Variants in IL23R observed in about 807,000 individuals in gnomAD.
IL23R encodes interleukin-23 receptor.
A neutral mutation model predicts 56.9 loss-of-function variants in IL23R; 34 were observed. The observed-to-expected ratio is 0.60, with a 90% CI of 0.45 to 0.80. IL23R has a LOEUF of 0.80. Among genes scored for constraint, IL23R ranks in the 30% least tolerant of loss-of-function variants. The pLI is 0.00. For synonymous variants in IL23R, 230 were observed against 249.2 expected (o/e 0.92, Z 0.73); for missense variants, 635 against 730.0 (o/e 0.87, Z 1.50).
At chr1:67,261,602 T>C (rs1053084008), downstream of IL23R, among the ~76,000 whole-genome samples, 12 of 152,208 alleles carry the variant, frequency 7.9e-5, no homozygotes, top group African/African-American at 2.4e-4. Context: ...AATTGCCGTA[T>C]GCCTTTGCTT....
At chr1:67,203,589 T>C (rs1410202889) in intron 5 of IL23R, among the ~76,000 whole-genome samples, 1 of 152,104 alleles carries the variant, frequency 6.6e-6, no homozygotes, top group Admixed American at 6.6e-5. Flanking sequence ...GAAACTCAGG[T>C]TGAAAAATAT....
intron 4 of IL23R, among the ~76,000 whole-genome samples, chr1:67,192,241 T>C (rs1185735983): frequency 6.6e-6 from 1 of 152,214 alleles, no homozygotes; most frequent in Non-Finnish European, 1.5e-5. Flanking sequence ...ACATCTTATC[T>C]GGATTACTGC....
intron 10 of IL23R, among the ~76,000 whole-genome samples, chr1:67,257,297 A>G (rs1653002841): frequency 6.6e-6 from 1 of 152,158 alleles, no homozygotes; most frequent in Non-Finnish European, 1.5e-5. Flanking sequence ...GAAGTCCATG[A>G]TCAAGGAGCC....
At chr1:67,175,739 T>A (rs1468101776) in intron 3 of IL23R, among the ~76,000 whole-genome samples, 1 of 152,124 alleles carries the variant, frequency 6.6e-6, no homozygotes, top group Non-Finnish European at 1.5e-5. Context: ...TAGTGGAAAA[T>A]GTGCAAGAGA....
chr1:67,185,482 C>T (rs964828848), intron 4 of IL23R, among the ~76,000 whole-genome samples: 1 of 152,100 alleles, frequency 6.6e-6, no homozygotes, highest in Non-Finnish European at 1.5e-5. Context: ...GTCTCTGTCG[C>T]CCAGGCTGGA....
chr1:67,209,694 C>T (rs1396690876), intron 6 of IL23R, among the ~76,000 whole-genome samples: 3 of 152,172 alleles, frequency 2.0e-5, no homozygotes, highest in African/African-American at 7.2e-5. Context: ...CAGACTAATG[C>T]AGTACCCAGT....
intron 3 of IL23R, among the ~76,000 whole-genome samples, chr1:67,182,577 C>T (rs1647163699): frequency 1.3e-5 from 2 of 152,196 alleles, no homozygotes; most frequent in South Asian, 4.1e-4. Context: ...TGACCCCTTG[C>T]ACTTCCCGGG....
chr1:67,229,845 C>G lies in IL23R; in HGVS notation c.956-6868C>G, dbSNP rs376577806. 7.0e-4 allele frequency among the ~76,000 whole-genome samples: 107 copies of G among 152,340 alleles called. 4 individuals carry two copies. The South Asian group carries it at 0.022, about 31-fold the overall frequency. ...TGCCATTATTTGTCCTACTACATCT[C>G]CCTACCTCCCCAACCACTACCACCA... On this transcript the variant is annotated intron_variant, in intron 7 of 10. Transcript: ENST00000347310.
chr1:67,207,207 T>C, intron 6 of IL23R, 152 bp downstream of exon 6: 1 of 891,880 alleles, frequency 1.1e-6, no homozygotes, highest in Non-Finnish European at 1.8e-6. Context: ...TGTTTTATAA[T>C]TTCAACTTTT....
At chr1:67,253,854 T>C (rs1439024704) in intron 9 of IL23R, among the ~76,000 whole-genome samples, 1 of 152,154 alleles carries the variant, frequency 6.6e-6, no homozygotes, top group Non-Finnish European at 1.5e-5. Context: ...AAAAACTAAT[T>C]TTCAGTTCAT....
At chr1:67,226,036 C>T (rs764347052) in intron 7 of IL23R, among the ~76,000 whole-genome samples, 5 of 152,186 alleles carry the variant, frequency 3.3e-5, no homozygotes, top group Non-Finnish European at 5.9e-5. Flanking sequence ...TGACTCCTGT[C>T]GCATATCATG....
intron 4 of IL23R, 100 bp downstream of exon 4, chr1:67,183,059 A>G (rs1022242666): frequency 1.5e-6 from 2 of 1,294,356 alleles, no homozygotes; most frequent in Non-Finnish European, 2.2e-6. Flanking sequence ...CAAACATTAA[A>G]TATATACCCT....
At chr1:67,220,033 T>C (rs1182892453) in intron 7 of IL23R, among the ~76,000 whole-genome samples, 1 of 152,136 alleles carries the variant, frequency 6.6e-6, no homozygotes, top group Non-Finnish European at 1.5e-5. Flanking sequence ...ATCATCCCAC[T>C]GCTCTCTAGC....
At chr1:67,224,425 T>C (rs1650487327) in intron 7 of IL23R, among the ~76,000 whole-genome samples, 1 of 152,260 alleles carries the variant, frequency 6.6e-6, no homozygotes, top group Admixed American at 6.5e-5. Flanking sequence ...TTTTCTGAAT[T>C]AGTCTCTAAG....
intron 7 of IL23R, among the ~76,000 whole-genome samples, chr1:67,234,610 T>C (rs1161052085): frequency 1.3e-5 from 2 of 151,002 alleles, no homozygotes; most frequent in African/African-American, 4.9e-5. Context: ...TTTAAAATAA[T>C]AAAAGTGAAA....
rs1166223600 is a variant in IL23R, at chr1:67,259,175, A to T, written c.*47A>T. On this transcript the variant is annotated 3_prime_UTR_variant, in exon 11 of 11. Transcript: ENST00000347310. ...ATGAGAAAGCTGCCTTGCAATCTGA[A>T]CTTGGGTTTTCCCTGCAATAGAAAT... The T allele has an allele frequency of 5.7e-6, 9 of 1,591,256 alleles. No homozygotes were observed. The highest frequency in any genetic ancestry group is 7.8e-6 in the Non-Finnish European group (9 of 1,160,774).
intron 8 of IL23R, 56 bp downstream of exon 8, chr1:67,236,858 A>T (rs1465451462): frequency 9.0e-7 from 1 of 1,109,524 alleles, no homozygotes; most frequent in African/African-American, 1.5e-5. Flanking sequence ...GCCCATTTTA[A>T]CCCATCATAC....
chr1:67,160,796 C>T (rs1376227740), intron 1 of IL23R, among the ~76,000 whole-genome samples: 1 of 152,124 alleles, frequency 6.6e-6, no homozygotes, highest in Non-Finnish European at 1.5e-5. Context: ...ATACTCCTGC[C>T]TCAGCCTCCT....
In IL23R at chr1:67,157,512, C is replaced by T. The variant is rs534095089; in HGVS notation, c.-633-10580C>T. 1.1e-4 allele frequency among the ~76,000 whole-genome samples: 16 copies of T among 152,328 alleles called. No individual in the cohort carries two copies. In the South Asian group the frequency reaches 1.4e-3, roughly 14 times the overall value. On this transcript the variant is annotated intron_variant, in intron 1 of 10. Coordinates refer to the IL23R transcript ENST00000637002. Reference sequence around the variant, plus strand: ...TGTCCACTACTCTTCACTGCAGTTACGTCTCTGACCCCCATTTCCTTTTAT... The same window carrying T: ...TGTCCACTACTCTTCACTGCAGTTATGTCTCTGACCCCCATTTCCTTTTAT...
Sources: allele counts gnomAD v4.1 joint callset (sites outside exome capture counted in the v4.1 genomes callset), GRCh38; gene constraint gnomAD v4.1.1; transcripts MANE v1.5; gene names NCBI Gene and HGNC (gene_info 2026-07-23, HGNC 2026-07-21).